Variants in KANK1 observed in about 807,000 individuals in gnomAD.
KANK1 encodes KN motif and ankyrin repeat domain-containing protein 1.
In KANK1, 109 loss-of-function variants were observed where a neutral mutation model predicts 106.2. The ratio of observed to expected loss-of-function variants is 1.03; its 90% CI spans 0.88 to 1.20. KANK1 has a LOEUF of 1.20. KANK1 is among the 50% of genes most tolerant of loss of function. The pLI, the probability that KANK1 is intolerant of heterozygous loss-of-function variation, is 0.00. For missense variants in KANK1, 2,399 were observed against 1,710.7 expected, an observed-to-expected ratio of 1.40 and a Z score of -7.10; for synonymous variants, 873 against 652.2, an observed-to-expected ratio of 1.34 and a Z score of -5.16.
intron 1 of KANK1, among the ~76,000 whole-genome samples, chr9:509,826 T>G (rs1446103072): frequency 1.3e-5 from 2 of 152,174 alleles, no homozygotes; most frequent in Non-Finnish European, 2.9e-5. Context: ...AGACAGGATA[T>G]CATTGTGTCA....
At chr9:489,964 TAAAG>T (rs760454345) in intron 3 of KANK1, among the ~76,000 whole-genome samples, 6 of 152,138 alleles carry the variant, frequency 3.9e-5, no homozygotes, top group Non-Finnish European at 5.9e-5. Context: ...CCAGAATAAA[TAAAG>T]GAAGGAAGTA....
At chr9:486,254 A>G (rs1057137747) in intron 3 of KANK1, among the ~76,000 whole-genome samples, 4 of 152,338 alleles carry the variant, frequency 2.6e-5, no homozygotes, top group African/African-American at 9.6e-5. Flanking sequence ...TTGCTTAACC[A>G]GGATACATAG....
In KANK1 at chr9:564,205, G is replaced by GC. The variant is rs1817237526; in HGVS notation, c.-84+59454dup. Among the ~76,000 whole-genome samples, 3 of 151,854 alleles carry GC rather than the reference G, an allele frequency of 2.0e-5. No homozygotes were observed. In the South Asian group the frequency reaches 6.3e-4, roughly 32 times the overall value. On this transcript the variant is annotated intron_variant, in intron 1 of 11. Transcript: ENST00000382297. ...CTCCTCAGTAGCTGGGATTACAGAC[G>GC]CCCGCCACCACGCCCGGCTAATTTT...
At chr9:625,119 C>G (rs932278912) in intron 1 of KANK1, among the ~76,000 whole-genome samples, 1 of 152,166 alleles carries the variant, frequency 6.6e-6, no homozygotes, top group Non-Finnish European at 1.5e-5. Context: ...TGGGCAAACC[C>G]ACAGCCCGCA....
intron 1 of KANK1, among the ~76,000 whole-genome samples, chr9:587,406 T>A (rs531193471): frequency 6.6e-6 from 1 of 152,228 alleles, no homozygotes; most frequent in Admixed American, 6.5e-5. Context: ...AAACACAATA[T>A]GCACAGACTA....
rs1159374900 is a variant in KANK1 at position 527,816 on chromosome 9, TAA to T, written c.-84+23074_-84+23075del. Among the ~76,000 whole-genome samples the T allele has an allele frequency of 3.4e-4, 48 of 143,144 alleles. 2 individuals are homozygous for T. Among genetic ancestry groups the T allele is most frequent in the African/African-American group, 1.2e-3 (46 of 38,738 alleles). The allele number at this position is 143,144 out of a possible 152,430, so 93.9% of individuals were successfully genotyped here. A position where few individuals can be genotyped will look rare whatever the true frequency, so the allele number is the denominator to read the frequency against. ...GTTCCCTTAAGTTCCAGCTTTTTAT[TAA>T]AAAAAAAAAAATAGAGTTTCCCCTC... is the stretch of plus-strand genomic sequence containing the variant. On this transcript the variant is annotated intron_variant, in intron 1 of 11. Transcript: ENST00000382297.
intron 1 of KANK1, among the ~76,000 whole-genome samples, chr9:506,147 C>T (rs550779863): frequency 3.3e-5 from 5 of 152,180 alleles, no homozygotes; most frequent in Non-Finnish European, 5.9e-5. Flanking sequence ...AACCCCTATA[C>T]CGATTAGCAG....
chr9:617,962 T>C (rs1832239513), intron 1 of KANK1, among the ~76,000 whole-genome samples: 1 of 152,160 alleles, frequency 6.6e-6, no homozygotes, highest in Non-Finnish European at 1.5e-5. Context: ...ATGGAACCAC[T>C]CTCTGGATGC....
intron 2 of KANK1, among the ~76,000 whole-genome samples, chr9:692,378 T>C (rs1389030046): frequency 6.6e-6 from 1 of 152,170 alleles, no homozygotes; most frequent in Non-Finnish European, 1.5e-5. Flanking sequence ...ACCAACAGAT[T>C]AAAAAATAAC....
At chr9:580,237 G>C (rs565955843) in intron 1 of KANK1, among the ~76,000 whole-genome samples, 6 of 152,070 alleles carry the variant, frequency 3.9e-5, no homozygotes, top group Admixed American at 3.3e-4. Flanking sequence ...CATTCCTCCC[G>C]GTGGGTTCGT....
chr9:638,957 T>C (rs946614849), intron 1 of KANK1, among the ~76,000 whole-genome samples: 3 of 152,220 alleles, frequency 2.0e-5, no homozygotes, highest in Non-Finnish European at 4.4e-5. Flanking sequence ...GTACTTATTT[T>C]TGTGTATTTT....
chr9:557,962 G>T (rs890836182), intron 1 of KANK1, among the ~76,000 whole-genome samples: 1 of 151,850 alleles, frequency 6.6e-6, no homozygotes, highest in African/African-American at 2.4e-5. Context: ...CTATGATCGC[G>T]CCACTGCATT....
At chr9:535,215 A>T (rs542879613) in intron 1 of KANK1, among the ~76,000 whole-genome samples, 5 of 152,020 alleles carry the variant, frequency 3.3e-5, no homozygotes, top group Admixed American at 6.6e-5. Flanking sequence ...CTCAGTACCT[A>T]TGTCCCTTGC....
intron 1 of KANK1, among the ~76,000 whole-genome samples, chr9:528,490 T>C (rs12683777): frequency 0.22 from 28,582 of 132,828 alleles, 3,631 homozygotes; most frequent in East Asian, 0.39. Context: ...TTTTTTTTTT[T>C]TTTTTTTTTG....
intron 6 of KANK1, chr9:732,893 C>A (rs1394896032): frequency 2.6e-5 from 7 of 270,484 alleles, no homozygotes; most frequent in African/African-American, 8.7e-5. Flanking sequence ...CTAAAACTTG[C>A]ATTGTTTGAA....
At chr9:590,414 A>G (rs1307128891) in intron 1 of KANK1, among the ~76,000 whole-genome samples, 1 of 151,910 alleles carries the variant, frequency 6.6e-6, no homozygotes, top group Non-Finnish European at 1.5e-5. Context: ...CCTCCTCTCC[A>G]TTTCCTCCTT....
intron 1 of KANK1, among the ~76,000 whole-genome samples, chr9:556,677 G>C (rs1565792): frequency 0.18 from 11,051 of 59,868 alleles, 1,100 homozygotes; most frequent in East Asian, 0.43. Context: ...TACTCAAATT[G>C]CTAGCCCCTT....
chr9:553,992 G>C (rs963301), intron 1 of KANK1, among the ~76,000 whole-genome samples: 61,653 of 152,094 alleles, frequency 0.41, 15,216 homozygotes, highest in South Asian at 0.59. Flanking sequence ...CAGACCTTCT[G>C]ATTCAGGAGT....
chr9:510,977 G>A (rs1213410298), intron 1 of KANK1, among the ~76,000 whole-genome samples: 1 of 152,176 alleles, frequency 6.6e-6, no homozygotes, highest in Non-Finnish European at 1.5e-5. Flanking sequence ...TGTATTATGT[G>A]CAAGGCCCTG....
Sources: allele counts gnomAD v4.1 joint callset (sites outside exome capture counted in the v4.1 genomes callset), GRCh38; gene constraint gnomAD v4.1.1; transcripts MANE v1.5; gene names NCBI Gene and HGNC (gene_info 2026-07-23, HGNC 2026-07-21).